Variants in PHF13 observed in about 807,000 individuals in gnomAD.
PHF13 encodes the protein PHD zinc finger protein PHF5.
PHF13 carries 1 observed loss-of-function variant against 25.8 expected under a neutral mutation model. The ratio of observed to expected loss-of-function variants is 0.04; its 90% confidence interval spans 0.01 to 0.18. PHF13 has a LOEUF of 0.18. PHF13 is among the 10% of genes least tolerant of loss of function. The pLI is 1.00. For synonymous variants in PHF13, 195 were observed against 162.4 expected, an observed-to-expected ratio of 1.20 and a Z score of -1.53; for missense variants, 306 against 403.2, an observed-to-expected ratio of 0.76 and a Z score of 2.06.
At position 6,621,341 on chromosome 1, in the gene PHF13, T is replaced by C. The variant is rs1641337022; in HGVS notation, c.677-70T>C. On this transcript the variant is annotated intron_variant, in intron 3 of 3. Transcript: ENST00000377648. The surrounding 1 kb of genome is among the most constrained non-coding windows in gnomAD (Gnocchi z 4.8). ...TCGTCAGTAGAGTTAATGGGTTTCA[T>C]GGAAGCCCAGCTGATGGCGAGGAAT... 5 of 1,509,534 alleles carry C rather than the reference T, an allele frequency of 3.3e-6. No individual in the cohort carries two copies. Among genetic ancestry groups the C allele is most frequent in the Non-Finnish European group, 4.6e-6 (5 of 1,094,172 alleles). 93.5% of individuals were successfully genotyped at this position (1,509,534 alleles called of 1,614,324 possible).
rs1397281801 is a variant in PHF13 at position 6,622,482 on chromosome 1, T to G, written c.*845T>G. The G allele has an allele frequency of 6.6e-6, 1 of 152,636 alleles. No individual in the cohort carries two copies. Among genetic ancestry groups the G allele is most frequent in the Non-Finnish European group, 1.5e-5 (1 of 68,082 alleles). 9.5% of individuals were successfully genotyped at this position (152,636 alleles called of 1,614,324 possible). A position where few individuals can be genotyped will look rare whatever the true frequency, so the allele number is the denominator to read the frequency against. On this transcript the variant is annotated 3_prime_UTR_variant, in exon 4 of 4. Transcript: ENST00000377648. ...GCCAGCTGTTTGCGAGTGTGGGAACTCATAGGTTCTGTCTTTGTCTCTTCC... is the reference window on the plus strand; with the variant it reads ...GCCAGCTGTTTGCGAGTGTGGGAACGCATAGGTTCTGTCTTTGTCTCTTCC...
At chr1:6,617,211 T>A (rs531594159) in intron 2 of PHF13, among the ~76,000 whole-genome samples, 1 of 151,792 alleles carries the variant, frequency 6.6e-6, no homozygotes, top group African/African-American at 2.4e-5. Context: ...CTCAACCTCC[T>A]CAGTAGTTGG....
intron 1 of PHF13, chr1:6,614,370 C>T (rs1031365999): frequency 1.6e-5 from 7 of 445,902 alleles, no homozygotes; most frequent in Non-Finnish European, 2.4e-5. Flanking sequence ...CTATTTCTCT[C>T]CCCCGGGCCG....
Position 6,620,181 on chromosome 1 carries a change from G to A in PHF13, c.520G>A (p.Asp174Asn), listed in dbSNP as rs149667501. The change falls in exon 3 of 4, where the codon GAT becomes AAT. Residue 174 changes from aspartate (D) to asparagine (N), a missense_variant. Physicochemically the swap from Asp to Asn is conservative, Grantham distance 23. Transcript: ENST00000377648. The part of the protein sequence containing the change: ...PSDPCSGWDS[D>N]TPSSGSCATV... ...CGACCCCTGCTCGGGCTGGGACTCC[G>A]ATACTCCCTCGAGTGGATCTTGTGC... is the stretch of plus-strand genomic sequence containing the variant. 3.7e-6 allele frequency: 6 copies of A among 1,613,864 alleles called. No homozygotes were observed. Among genetic ancestry groups the A allele is most frequent in the Non-Finnish European group, 5.1e-6 (6 of 1,180,044 alleles).
chr1:6,621,320 C>T lies in PHF13; in HGVS notation c.677-91C>T. On this transcript the variant is annotated intron_variant, in intron 3 of 3. Transcript: ENST00000377648. This position sits in a 1 kb window ranked among gnomAD's most constrained non-coding sequence, Gnocchi z 4.8. The stretch of plus-strand genomic sequence containing the variant: ...GAGTGGCAGTTGGAAGTGTTCTCGT[C>T]AGTAGAGTTAATGGGTTTCATGGAA... 7.3e-7 allele frequency: 1 copy of T among 1,361,552 alleles called. No individual in the cohort carries two copies. Among genetic ancestry groups the T allele is most frequent in the Admixed American group, 1.9e-5 (1 of 51,962 alleles). The allele number at this position is 1,361,552 out of a possible 1,614,324, so 84.3% of individuals were successfully genotyped here.
In PHF13 at chr1:6,619,860, A is replaced by G. The variant is rs780842561; in HGVS notation, c.199A>G (p.Ser67Gly). Residue 67 changes from serine to glycine, a missense_variant, in exon 3 of 4, where the codon AGC becomes GGC. By Grantham distance (56) the Ser-to-Gly change is moderately conservative. Around this residue, in one of 5 missense-constraint regions of PHF13, gnomAD observed 36 missense variants for 76.0 expected, o/e 0.47. Transcript: ENST00000377648. ...TAACAGCACTGCTGGTACCATTGACAGCGACGGCTGGGACGCGGGTTTCTC... is the reference window on the plus strand; with the variant it reads ...TAACAGCACTGCTGGTACCATTGACGGCGACGGCTGGGACGCGGGTTTCTC... ...PANSTAGTID[S>G]DGWDAGFSDI... 2.5e-6 allele frequency: 4 copies of G among 1,613,652 alleles called. No homozygotes were observed. The East Asian group carries it at 8.9e-5, about 36-fold the overall frequency.
In PHF13 at chr1:6,621,774, CAGGCTGTCCA is replaced by C; in HGVS notation, c.*141_*150del. On this transcript the variant is annotated 3_prime_UTR_variant, in exon 4 of 4. Transcript: ENST00000377648. This position sits in a 1 kb window ranked among gnomAD's most constrained non-coding sequence, Gnocchi z 4.8. ...CCATTTAGGTGCCTAAGCAAAAGGA[CAGGCTGTCCA>C]AGGTAGAAACTGTACATAGCCGGTG... 1 of 842,748 alleles carries C rather than the reference CAGGCTGTCCA, an allele frequency of 1.2e-6. No individual in the cohort carries two copies. The highest frequency in any genetic ancestry group is 1.9e-6 in the Non-Finnish European group (1 of 533,318). 52.2% of individuals were successfully genotyped at this position (842,748 alleles called of 1,614,324 possible). A position where few individuals can be genotyped will look rare whatever the true frequency, so the allele number is the denominator to read the frequency against.
chr1:6,621,664 C>T lies in PHF13; in HGVS notation c.*27C>T, dbSNP rs551839962. ...TGCTGGCTGGCGAGGAGGCTGCGAG[C>T]GTGGAATCGGAAGCGACCGCGGGCT... On this transcript the variant is annotated 3_prime_UTR_variant, in exon 4 of 4. Transcript: ENST00000377648. This position sits in a 1 kb window ranked among gnomAD's most constrained non-coding sequence, Gnocchi z 4.8. The T allele has an allele frequency of 1.9e-5, 30 of 1,607,516 alleles. No homozygotes were observed. Among genetic ancestry groups the T allele is most frequent in the Admixed American group, 5.0e-5 (3 of 59,974 alleles).
At chr1:6,614,172 G>A in intron 1 of PHF13, 67 bp downstream of exon 1, 1 of 1,510,238 alleles carries the variant, frequency 6.6e-7, no homozygotes, top group Non-Finnish European at 9.0e-7. Flanking sequence ...TCCTCAGGCA[G>A]CCAGACCCCC....
intron 2 of PHF13, among the ~76,000 whole-genome samples, chr1:6,618,245 C>T (rs1423744691): frequency 1.3e-5 from 2 of 152,120 alleles, no homozygotes; most frequent in African/African-American, 4.8e-5. Context: ...AGTGATCCTC[C>T]CACCTCAGCC....
At chr1:6,617,490 T>C (rs1641278941) in intron 2 of PHF13, among the ~76,000 whole-genome samples, 1 of 152,220 alleles carries the variant, frequency 6.6e-6, no homozygotes, top group Non-Finnish European at 1.5e-5. Flanking sequence ...CAGGCTGGAG[T>C]GCCGTGGTGC....
At chr1:6,616,273 C>T (rs1641259141) in intron 1 of PHF13, among the ~76,000 whole-genome samples, 3 of 151,976 alleles carry the variant, frequency 2.0e-5, no homozygotes, top group Middle Eastern at 3.4e-3. Context: ...GTGATCCGCC[C>T]GCCTCGGCCT....
At position 6,621,492 on chromosome 1, in the gene PHF13, A is replaced by G. The variant is rs1270352962; in HGVS notation, c.758A>G (p.His253Arg). The G allele has an allele frequency of 1.2e-6, 2 of 1,614,144 alleles. No individual in the cohort carries two copies. The highest frequency in any genetic ancestry group is 1.7e-6 in the Non-Finnish European group (2 of 1,180,030). Residue 253 changes from histidine to arginine, a missense_variant, in exon 4 of 4, where the codon CAC becomes CGC. By Grantham distance (29) the His-to-Arg change is conservative (BLOSUM62 0). This residue lies in a region of PHF13 where 40 missense variants were observed against 71.6 expected (regional missense o/e 0.56). Coordinates refer to ENST00000377648, the MANE Select transcript of PHF13 (RefSeq NM_153812.3). This position sits in a 1 kb window ranked among gnomAD's most constrained non-coding sequence, Gnocchi z 4.8. ...CCCATGATCGAGTGTAATGAGTGCC[A>G]CACCTGGATTCACCTGTCCTGTGCG... Reference protein sequence around the residue: ...GRPMIECNECHTWIHLSCAKI... With the variant: ...GRPMIECNECRTWIHLSCAKI...
intron 3 of PHF13, 109 bp downstream of exon 3, chr1:6,620,446 A>G: frequency 1.6e-6 from 2 of 1,250,182 alleles, no homozygotes; most frequent in Non-Finnish European, 2.2e-6. Flanking sequence ...CCTTCCGTAG[A>G]GTGTGACAGC....
chr1:6,615,132 GGGGGGCGGGCGGCGT>G (rs1641240573), intron 1 of PHF13, among the ~76,000 whole-genome samples: 2 of 151,598 alleles, frequency 1.3e-5, no homozygotes, highest in South Asian at 4.1e-4. Context: ...GAGGCGGCCG[GGGGGGCGGGCGGCGT>G]GGGCCGTGTG....
In PHF13 at chr1:6,615,391, C is replaced by G. The variant is rs563918652; in HGVS notation, c.39+1286C>G. Among the ~76,000 whole-genome samples, 812 of 152,348 alleles carry G rather than the reference C, an allele frequency of 5.3e-3. 2 individuals carry two copies. Among genetic ancestry groups the G allele is most frequent in the Non-Finnish European group, 9.5e-3 (646 of 68,028 alleles). On this transcript the variant is annotated intron_variant, in intron 1 of 3. Transcript: ENST00000377648. ...TCAACGCGGGCCTTCGCCTCCGCTCCGTGGGCGGCCCTGGGGTCCAAGGGG... is the reference window on the plus strand; with the variant it reads ...TCAACGCGGGCCTTCGCCTCCGCTCGGTGGGCGGCCCTGGGGTCCAAGGGG...
At position 6,619,826 on chromosome 1, in the gene PHF13, C is replaced by T. The variant is rs368040412; in HGVS notation, c.165C>T (p.Pro55=). Reference sequence around the variant, plus strand: ...AGGAACTCCCTTTAAGGAGCAGCCCCAGCCCTGCTAACAGCACTGCTGGTA... The same window carrying T: ...AGGAACTCCCTTTAAGGAGCAGCCCTAGCCCTGCTAACAGCACTGCTGGTA... ...PKEELPLRSS[P]SPANSTAGTI... Residue 55 remains proline (P), a synonymous_variant, in exon 3 of 4, where the codon CCC becomes CCT. Coordinates refer to ENST00000377648, the MANE Select transcript of PHF13 (RefSeq NM_153812.3). 2 of 1,609,904 alleles carry T rather than the reference C, an allele frequency of 1.2e-6. No individual in the cohort carries two copies. Among genetic ancestry groups the T allele is most frequent in the African/African-American group, 1.3e-5 (1 of 74,802 alleles).
chr1:6,620,352 A>T lies in PHF13; in HGVS notation c.676+15A>T, dbSNP rs763824220. On this transcript the variant is annotated intron_variant, in intron 3 of 3. Coordinates refer to ENST00000377648, the MANE Select transcript of PHF13 (RefSeq NM_153812.3). ...GGTGGACTCAGGTGAGTGGTCCCTG[A>T]AGGATGATGACCCTTGTTGGCTTGT... 7 of 1,604,114 alleles carry T rather than the reference A, an allele frequency of 4.4e-6. No homozygotes were observed. The highest frequency in any genetic ancestry group is 6.0e-6 in the Non-Finnish European group (7 of 1,173,952).
In PHF13 at chr1:6,619,759, A is replaced by G. The variant is rs1641310419; in HGVS notation, c.142-44A>G. ...CTGGGGATGCTCTGCTCTGGGCTGG[A>G]TCTTGTCACCAGTAACTGGAATCTG... On this transcript the variant is annotated intron_variant, in intron 2 of 3. Coordinates refer to ENST00000377648, the MANE Select transcript of PHF13 (RefSeq NM_153812.3). The G allele has an allele frequency of 1.9e-6, 3 of 1,550,918 alleles. No homozygotes were observed. The African/African-American group carries it at 4.1e-5, about 21-fold the overall frequency.
Sources: gnomAD v4.1 joint callset for allele counts (sites outside exome capture counted in the v4.1 genomes callset) on GRCh38, gnomAD v4.1.1 for gene constraint, gnomAD v4.1.1 regional missense constraint, Gnocchi (gnomAD v3.1) non-coding constraint, MANE v1.5 for transcripts, NCBI Gene and HGNC (gene_info 2026-07-23, HGNC 2026-07-21) for gene names.